The following IMPG1 variants were observed in gnomAD, a reference collection of about 807,000 sequenced individuals.
IMPG1 encodes interphotoreceptor matrix proteoglycan 1, also known as interphotoreceptor matrix proteoglycan of 150 kDa.
In IMPG1, 85 loss-of-function variants were observed where a neutral mutation model predicts 92.0. That is an observed-to-expected ratio of 0.92 (90% CI 0.78 to 1.11). The LOEUF (loss-of-function observed/expected upper bound fraction) is 1.11, where lower values mean the gene tolerates loss of function less well. Ranked by LOEUF, IMPG1 falls within the 50% of genes least tolerant of loss-of-function variation. The pLI is 0.00. For synonymous variants in IMPG1, 367 were observed against 334.1 expected, an observed-to-expected ratio of 1.10 and a Z score of -1.08; for missense variants, 1,022 against 956.0, an observed-to-expected ratio of 1.07 and a Z score of -0.91.
rs139445811 is a variant in IMPG1 at position 75,949,733 on chromosome 6, ATGGTG to A, written c.1824+824_1824+828del. On this transcript the variant is annotated intron_variant, in intron 13 of 16. Transcript: ENST00000369950. Reference sequence around the variant, plus strand: ...CCAATATCTACTCACCTCATTATAAATGGTGTGGGGTGGGGAGATAGCCCAGATAA... The same window carrying A: ...CCAATATCTACTCACCTCATTATAAATGGGGTGGGGAGATAGCCCAGATAA... Among the ~76,000 whole-genome samples the A allele has an allele frequency of 2.7e-3, 413 of 152,274 alleles. 2 individuals carry two copies. Among genetic ancestry groups the A allele is most frequent in the African/African-American group, 9.5e-3 (394 of 41,574 alleles).
intron 12 of IMPG1, among the ~76,000 whole-genome samples, chr6:75,974,339 C>CT (rs775564350): frequency 1.6e-5 from 1 of 61,104 alleles, no homozygotes; most frequent in Non-Finnish European, 3.1e-5. Flanking sequence ...CCCTTTCTTT[C>CT]TTTCTTTCTT....
chr6:75,941,559 T>G (rs1473045212), intron 14 of IMPG1, among the ~76,000 whole-genome samples: 1 of 152,246 alleles, frequency 6.6e-6, no homozygotes, highest in Non-Finnish European at 1.5e-5. Flanking sequence ...GCCTAAAATA[T>G]TTACTGTTTG....
At chr6:76,041,608 A>T (rs1783843094) in intron 2 of IMPG1, among the ~76,000 whole-genome samples, 1 of 152,220 alleles carries the variant, frequency 6.6e-6, no homozygotes, top group African/African-American at 2.4e-5. Flanking sequence ...GGCAAAAATA[A>T]AAAATAAAGG....
intron 12 of IMPG1, among the ~76,000 whole-genome samples, chr6:75,992,486 C>A (rs566821961): frequency 4.6e-5 from 7 of 152,310 alleles, no homozygotes; most frequent in Middle Eastern, 6.8e-3. Context: ...AAAGTAGTCC[C>A]TGGTTTATTT....
chr6:76,020,775 C>A (rs1179266607), intron 6 of IMPG1, among the ~76,000 whole-genome samples: 1 of 152,140 alleles, frequency 6.6e-6, no homozygotes, highest in Non-Finnish European at 1.5e-5. Flanking sequence ...GGGAGTCATG[C>A]CCTACAAACC....
At chr6:76,007,825 A>G (rs1783123237) in intron 8 of IMPG1, among the ~76,000 whole-genome samples, 1 of 152,166 alleles carries the variant, frequency 6.6e-6, no homozygotes, top group East Asian at 1.9e-4. Flanking sequence ...AAGGCTGGAA[A>G]TCTATCCTAC....
At chr6:75,958,665 G>A (rs893021639) in intron 12 of IMPG1, among the ~76,000 whole-genome samples, 7 of 151,838 alleles carry the variant, frequency 4.6e-5, no homozygotes, top group African/African-American at 9.7e-5. Context: ...CCGCTTGACC[G>A]ATTCGCCCAT....
chr6:76,066,140 GGTGT>G (rs1784306346), intron 1 of IMPG1, among the ~76,000 whole-genome samples: 1 of 151,850 alleles, frequency 6.6e-6, no homozygotes, highest in African/African-American at 2.4e-5. Flanking sequence ...ATACAATACA[GGTGT>G]TATAAAAGTA....
At chr6:76,030,857 G>C (rs1274003942) in intron 4 of IMPG1, among the ~76,000 whole-genome samples, 1 of 152,152 alleles carries the variant, frequency 6.6e-6, no homozygotes, top group African/African-American at 2.4e-5. Flanking sequence ...AGCCAAGTGG[G>C]GAGGGGGTCC....
intron 15 of IMPG1, among the ~76,000 whole-genome samples, chr6:75,926,803 TAAAA>T (rs2149448716): frequency 6.8e-6 from 1 of 147,336 alleles, no homozygotes; most frequent in South Asian, 2.2e-4. Context: ...GAGGGAAATG[TAAAA>T]ATATATGGAG....
rs78016597 is a variant in IMPG1 at position 76,037,021 on chromosome 6, T to C, written c.302-2234A>G. 4.1e-3 allele frequency among the ~76,000 whole-genome samples: 621 copies of C among 152,292 alleles called. 5 individuals are homozygous for C. Among genetic ancestry groups the C allele is most frequent in the African/African-American group, 0.015 (604 of 41,558 alleles). On this transcript the variant is annotated intron_variant, in intron 2 of 16. Transcript: ENST00000369950. Reference sequence around the variant, plus strand: ...CTCCCTATAAGCATTTGTAATATGTTGATTTTTAACTCTAGAGCAATGGAA... The same window carrying C: ...CTCCCTATAAGCATTTGTAATATGTCGATTTTTAACTCTAGAGCAATGGAA...
intron 9 of IMPG1, among the ~76,000 whole-genome samples, chr6:76,006,222 A>G (rs1232009750): frequency 6.6e-6 from 1 of 151,878 alleles, no homozygotes; most frequent in East Asian, 1.9e-4. Flanking sequence ...CCAATCAGGA[A>G]GAAGGATGAA....
At chr6:75,986,995 G>T (rs894427809) in intron 12 of IMPG1, among the ~76,000 whole-genome samples, 1 of 152,068 alleles carries the variant, frequency 6.6e-6, no homozygotes, top group Non-Finnish European at 1.5e-5. Flanking sequence ...CTCACAATCA[G>T]TTTTTTCTTT....
At position 76,022,284 on chromosome 6, in the gene IMPG1, T is replaced by A. The variant is rs564194186; in HGVS notation, c.563-65A>T. ...TGGAGGAGTTTAAATTAGAACGAGG[T>A]CAAAATTCAATATGCTTTTTCTGTC... On this transcript the variant is annotated intron_variant, in intron 5 of 16. Coordinates refer to ENST00000369950, the MANE Select transcript of IMPG1 (RefSeq NM_001563.4). 64 of 832,494 alleles carry A rather than the reference T, an allele frequency of 7.7e-5. No homozygotes were observed. In the African/African-American group the frequency reaches 9.0e-4, roughly 12 times the overall value. 51.6% of individuals were successfully genotyped at this position (832,494 alleles called of 1,614,324 possible).
intron 14 of IMPG1, among the ~76,000 whole-genome samples, chr6:75,931,849 C>T (rs934167130): frequency 6.6e-6 from 1 of 152,210 alleles, no homozygotes; most frequent in African/African-American, 2.4e-5. Context: ...GATTAGAAAT[C>T]AAGAGAATCT....
chr6:75,930,836 CA>C, intron 15 of IMPG1, 116 bp downstream of exon 15: 1 of 927,272 alleles, frequency 1.1e-6, no homozygotes, highest in Non-Finnish European at 1.7e-6. Flanking sequence ...TTTCTACACT[CA>C]CTAAAGTTTA....
chr6:76,068,505 C>G (rs9360972), intron 1 of IMPG1, among the ~76,000 whole-genome samples: 41,697 of 141,336 alleles, frequency 0.3, 6,225 homozygotes, highest in Admixed American at 0.35. Flanking sequence ...TTTAAAATGT[C>G]CATACTTTTT....
At chr6:76,046,370 A>G (rs1394172152) in intron 1 of IMPG1, among the ~76,000 whole-genome samples, 1 of 152,202 alleles carries the variant, frequency 6.6e-6, no homozygotes, top group Admixed American at 6.5e-5. Context: ...CTTTAAGCCA[A>G]TAGGTTTTGG....
chr6:76,011,247 A>C, intron 7 of IMPG1, 23 bp from the exon 8 acceptor site: 1 of 1,341,506 alleles, frequency 7.5e-7, no homozygotes, highest in Non-Finnish European at 1.1e-6. Flanking sequence ...AGAAATTTGT[A>C]AAATACTCTT....
Sources: allele counts gnomAD v4.1 joint callset (sites outside exome capture counted in the v4.1 genomes callset), GRCh38; gene constraint gnomAD v4.1.1; transcripts MANE v1.5; gene names NCBI Gene and HGNC (gene_info 2026-07-23, HGNC 2026-07-21).